INPP4B: variants seen among roughly 807,000 people sequenced by gnomAD.
INPP4B encodes inositol polyphosphate 4-phosphatase type II.
In INPP4B, 55 loss-of-function variants were observed where a neutral mutation model predicts 122.5. That is an observed-to-expected ratio of 0.45 (90% CI 0.36 to 0.56). INPP4B has a LOEUF of 0.56. Ranked by LOEUF, INPP4B falls within the 20% of genes least tolerant of loss-of-function variation. The probability of loss-of-function intolerance (pLI) is 0.00; values close to 1 mark genes in which losing one functional copy is unlikely to be tolerated. For missense variants in INPP4B, 1,000 were observed against 1,097.7 expected, an observed-to-expected ratio of 0.91 and a Z score of 1.26; for synonymous variants, 403 against 388.7, an observed-to-expected ratio of 1.04 and a Z score of -0.43.
At chr4:142,118,941 T>C (rs1317002284) in intron 21 of INPP4B, among the ~76,000 whole-genome samples, 1 of 151,726 alleles carries the variant, frequency 6.6e-6, no homozygotes, top group Non-Finnish European at 1.5e-5. Context: ...TTAAACAAAT[T>C]TACAAGAAAA....
intron 14 of INPP4B, among the ~76,000 whole-genome samples, chr4:142,201,867 C>A (rs1426467635): frequency 6.6e-6 from 1 of 151,940 alleles, no homozygotes; most frequent in African/African-American, 2.4e-5. Flanking sequence ...TTTTGAACAG[C>A]TTTTACCATG....
At chr4:142,107,522 G>T (rs534505728) in intron 23 of INPP4B, among the ~76,000 whole-genome samples, 3 of 152,178 alleles carry the variant, frequency 2.0e-5, no homozygotes, top group Admixed American at 2.0e-4. Flanking sequence ...ATGTAGAATT[G>T]GACAATGGCC....
chr4:142,231,721 T>C (rs913865698), intron 12 of INPP4B, among the ~76,000 whole-genome samples: 1 of 152,180 alleles, frequency 6.6e-6, no homozygotes, highest in Non-Finnish European at 1.5e-5. Flanking sequence ...GTAGAGACCG[T>C]TATGTAAGAA....
rs557356835 is a variant in INPP4B, at chr4:142,308,629, T to C, written c.424-3092A>G. Reference sequence around the variant, plus strand: ...AAGAATGAATGAGAAGAGTCTTCTCTATAGCACATGATGCTAATGTAAAAG... The same window carrying C: ...AAGAATGAATGAGAAGAGTCTTCTCCATAGCACATGATGCTAATGTAAAAG... On this transcript the variant is annotated intron_variant, in intron 8 of 25. Coordinates refer to ENST00000262992, the MANE Select transcript of INPP4B (RefSeq NM_001101669.3). Among the ~76,000 whole-genome samples, 7 of 152,146 alleles carry C rather than the reference T, an allele frequency of 4.6e-5. No homozygotes were observed. The South Asian group carries it at 6.2e-4, about 13-fold the overall frequency.
chr4:142,672,914 C>T (rs1369942200), intron 2 of INPP4B, among the ~76,000 whole-genome samples: 1 of 152,080 alleles, frequency 6.6e-6, no homozygotes, highest in Non-Finnish European at 1.5e-5. Flanking sequence ...TTGTATATTA[C>T]GTGAGGTATA....
chr4:142,418,016 C>T (rs968790656), intron 5 of INPP4B, among the ~76,000 whole-genome samples: 1 of 151,950 alleles, frequency 6.6e-6, no homozygotes, highest in Non-Finnish European at 1.5e-5. Flanking sequence ...CTTCAGGTTA[C>T]ATTGCAATAA....
At chr4:142,131,849 G>T (rs1171675539) in intron 18 of INPP4B, among the ~76,000 whole-genome samples, 1 of 152,094 alleles carries the variant, frequency 6.6e-6, no homozygotes, top group Non-Finnish European at 1.5e-5. Context: ...CAGCTACTCA[G>T]GAGGCTGAGG....
chr4:142,608,969 C>T (rs1053497352), intron 2 of INPP4B, among the ~76,000 whole-genome samples: 1 of 152,098 alleles, frequency 6.6e-6, no homozygotes, highest in Non-Finnish European at 1.5e-5. Flanking sequence ...TTTAGAGGAG[C>T]CTCCCTTCCT....
intron 1 of INPP4B, among the ~76,000 whole-genome samples, chr4:142,788,290 A>G (rs1776032910): frequency 6.6e-6 from 1 of 152,144 alleles, no homozygotes; most frequent in South Asian, 2.1e-4. Flanking sequence ...TATTGAAAGT[A>G]GTAAAAGTAT....
chr4:142,636,136 C>T (rs112152276), intron 2 of INPP4B, among the ~76,000 whole-genome samples: 1 of 152,034 alleles, frequency 6.6e-6, no homozygotes, highest in African/African-American at 2.4e-5. Flanking sequence ...ACTCAGCACC[C>T]ATTCTGCCTC....
At chr4:142,547,245 A>G (rs4975314) in intron 2 of INPP4B, among the ~76,000 whole-genome samples, 54,082 of 151,678 alleles carry the variant, frequency 0.36, 10,556 homozygotes, top group East Asian at 0.81. Context: ...TGTTTTGTAT[A>G]CAAGTAGTAT....
chr4:142,791,763 C>A (rs576071857), intron 1 of INPP4B, among the ~76,000 whole-genome samples: 4 of 152,188 alleles, frequency 2.6e-5, no homozygotes, highest in East Asian at 1.9e-4. Flanking sequence ...AGAGCCACCA[C>A]CCTCCTGTAA....
At chr4:142,333,551 T>C (rs889468138) in intron 7 of INPP4B, among the ~76,000 whole-genome samples, 1 of 152,168 alleles carries the variant, frequency 6.6e-6, no homozygotes, top group African/African-American at 2.4e-5. Flanking sequence ...CAAAATAGGG[T>C]TCTCATATAT....
intron 7 of INPP4B, among the ~76,000 whole-genome samples, chr4:142,390,787 T>C (rs996712096): frequency 1.3e-5 from 2 of 152,068 alleles, no homozygotes; most frequent in Non-Finnish European, 2.9e-5. Context: ...AATTGCCTTG[T>C]CAATTGTGTC....
intron 9 of INPP4B, among the ~76,000 whole-genome samples, chr4:142,294,863 C>T (rs1188639598): frequency 3.2e-5 from 2 of 63,070 alleles, no homozygotes; most frequent in South Asian, 1.1e-3. Flanking sequence ...AAAAGGCAGA[C>T]TTACGCCAGG....
chr4:142,272,672 T>C (rs1746447817), intron 9 of INPP4B, among the ~76,000 whole-genome samples: 2 of 151,994 alleles, frequency 1.3e-5, no homozygotes, highest in East Asian at 1.9e-4. Flanking sequence ...ATATTCTCAT[T>C]TGAATATGAC....
At chr4:142,370,207 A>G (rs528293498) in intron 7 of INPP4B, among the ~76,000 whole-genome samples, 5 of 152,138 alleles carry the variant, frequency 3.3e-5, no homozygotes, top group Non-Finnish European at 7.3e-5. Context: ...TCATCCACAT[A>G]TAAATAAATG....
intron 1 of INPP4B, among the ~76,000 whole-genome samples, chr4:142,742,961 C>G (rs1000130427): frequency 6.6e-6 from 1 of 151,922 alleles, no homozygotes; most frequent in Non-Finnish European, 1.5e-5. Flanking sequence ...AAAGTAATGA[C>G]TCTAAGGTTA....
At chr4:142,079,963 AT>A (rs1279267948) in intron 25 of INPP4B, among the ~76,000 whole-genome samples, 3 of 152,220 alleles carry the variant, frequency 2.0e-5, no homozygotes, top group South Asian at 4.1e-4. Flanking sequence ...ACAGCCCTTG[AT>A]TTTTTAATTT....
Sources: gnomAD v4.1 joint callset for allele counts (sites outside exome capture counted in the v4.1 genomes callset) on GRCh38, gnomAD v4.1.1 for gene constraint, MANE v1.5 for transcripts, NCBI Gene and HGNC (gene_info 2026-07-23, HGNC 2026-07-21) for gene names.